The following TAFA2 variants were observed in gnomAD, a reference collection of about 807,000 sequenced individuals.
The protein encoded by TAFA2 is TAFA chemokine like family member 2.
In TAFA2, 7 loss-of-function variants were observed where a neutral mutation model predicts 18.8. The observed-to-expected ratio is 0.37, with a 90% CI of 0.21 to 0.70. TAFA2 has a LOEUF of 0.70. Among genes scored for constraint, TAFA2 ranks in the 30% least tolerant of loss-of-function variants. The probability of loss-of-function intolerance (pLI) is 0.53; values close to 1 mark genes in which losing one functional copy is unlikely to be tolerated. For missense variants in TAFA2, 122 were observed against 158.1 expected, an observed-to-expected ratio of 0.77 and a Z score of 1.23; for synonymous variants, 60 against 54.2, an observed-to-expected ratio of 1.11 and a Z score of -0.47.
chr12:62,007,198 C>T (rs1880582050), intron 1 of TAFA2, among the ~76,000 whole-genome samples: 1 of 152,158 alleles, frequency 6.6e-6, no homozygotes, highest in African/African-American at 2.4e-5. Flanking sequence ...CATTTTCTGA[C>T]CCCTATGATT....
At chr12:62,034,697 A>C (rs966494561) in intron 1 of TAFA2, among the ~76,000 whole-genome samples, 8 of 152,124 alleles carry the variant, frequency 5.3e-5, no homozygotes, top group African/African-American at 1.9e-4. Context: ...AATTTCTCAC[A>C]GATTTCTCCA....
At chr12:62,153,199 T>C (rs1406718343) in intron 1 of TAFA2, among the ~76,000 whole-genome samples, 1 of 152,178 alleles carries the variant, frequency 6.6e-6, no homozygotes, top group African/African-American at 2.4e-5. Flanking sequence ...AATGGATTTA[T>C]CTGCTACCCA....
intron 1 of TAFA2, among the ~76,000 whole-genome samples, chr12:61,904,429 T>C (rs1347484691): frequency 6.6e-6 from 1 of 152,176 alleles, no homozygotes; most frequent in African/African-American, 2.4e-5. Context: ...TACTTAAGCA[T>C]ATTACATGTT....
Position 61,816,691 on chromosome 12 carries a change from AT to A in TAFA2, c.106+50628del, listed in dbSNP as rs1565644101. 1.3e-5 allele frequency among the ~76,000 whole-genome samples: 2 copies of A among 151,266 alleles called. 1 individual carries two copies. Among genetic ancestry groups the A allele is most frequent in the African/African-American group, 4.9e-5 (2 of 40,580 alleles). On this transcript the variant is annotated intron_variant, in intron 2 of 4. Transcript: ENST00000416284. ...TTTAAGTAGAGCATTGGGATAAGTT[AT>A]TTTTCAGAAATTGACAAGATGTATT...
chr12:62,082,916 A>AT (rs949400758), intron 1 of TAFA2, among the ~76,000 whole-genome samples: 12 of 152,138 alleles, frequency 7.9e-5, no homozygotes, highest in Admixed American at 6.6e-4. Flanking sequence ...CTCTACAGTG[A>AT]TTTTTTTTCC....
chr12:61,918,676 AT>A (rs1484855628), intron 1 of TAFA2, among the ~76,000 whole-genome samples: 3 of 152,192 alleles, frequency 2.0e-5, no homozygotes, highest in Admixed American at 6.5e-5. Context: ...ATACCTAGGA[AT>A]GGGATTGCTG....
At chr12:61,712,465 T>A (rs1592337684) in intron 4 of TAFA2, among the ~76,000 whole-genome samples, 1 of 152,128 alleles carries the variant, frequency 6.6e-6, no homozygotes, top group East Asian at 1.9e-4. Context: ...TTTCTCCATT[T>A]CTGTAGAGAA....
chr12:62,094,694 C>T (rs1868869033), intron 1 of TAFA2, among the ~76,000 whole-genome samples: 1 of 151,892 alleles, frequency 6.6e-6, no homozygotes, highest in African/African-American at 2.4e-5. Context: ...TTCATTCATT[C>T]CATCTTTATA....
At chr12:61,779,463 G>T (rs1870411356) in intron 2 of TAFA2, among the ~76,000 whole-genome samples, 1 of 151,752 alleles carries the variant, frequency 6.6e-6, no homozygotes, top group Non-Finnish European at 1.5e-5. Context: ...GAAAAAATAG[G>T]TGTTAACTGG....
chr12:61,830,450 T>C (rs533384610), intron 2 of TAFA2, among the ~76,000 whole-genome samples: 67 of 151,762 alleles, frequency 4.4e-4, no homozygotes, highest in Non-Finnish European at 7.1e-4. Context: ...TTTGCAGCAA[T>C]AAGGATATAA....
intron 2 of TAFA2, among the ~76,000 whole-genome samples, chr12:61,841,390 A>G (rs2121125017): frequency 6.6e-6 from 1 of 152,216 alleles, no homozygotes; most frequent in Non-Finnish European, 1.5e-5. Flanking sequence ...ACCAGGTACC[A>G]TTTATTGAAG....
chr12:61,938,280 C>T (rs1246222672), intron 1 of TAFA2, among the ~76,000 whole-genome samples: 1 of 133,738 alleles, frequency 7.5e-6, no homozygotes, highest in Non-Finnish European at 1.6e-5. Context: ...CTGGTGGGAA[C>T]ATAAATTAGT....
At chr12:61,718,587 A>G (rs919926017) in intron 4 of TAFA2, among the ~76,000 whole-genome samples, 2 of 152,194 alleles carry the variant, frequency 1.3e-5, no homozygotes, top group South Asian at 2.1e-4. Context: ...AGTCAGGAAA[A>G]CAATTATTTT....
chr12:62,089,393 C>T (rs1232509439), intron 1 of TAFA2, among the ~76,000 whole-genome samples: 1 of 152,046 alleles, frequency 6.6e-6, no homozygotes, highest in African/African-American at 2.4e-5. Flanking sequence ...CATCTACATA[C>T]TATGATTTCG....
At chr12:61,889,297 T>C (rs1259069642) in intron 1 of TAFA2, among the ~76,000 whole-genome samples, 1 of 152,188 alleles carries the variant, frequency 6.6e-6, no homozygotes, top group Non-Finnish European at 1.5e-5. Flanking sequence ...GCAGTCAAGA[T>C]TCTAAAGGAA....
intron 2 of TAFA2, among the ~76,000 whole-genome samples, chr12:61,848,536 T>G (rs946541267): frequency 2.0e-5 from 3 of 152,178 alleles, no homozygotes; most frequent in Non-Finnish European, 2.9e-5. Context: ...CATAAGATAT[T>G]TTGTTTTTAC....
chr12:61,761,631 A>G (rs1869550788), intron 2 of TAFA2, among the ~76,000 whole-genome samples: 1 of 152,112 alleles, frequency 6.6e-6, no homozygotes, highest in African/African-American at 2.4e-5. Flanking sequence ...TGCAATAACC[A>G]CTGACAAGGA....
chr12:62,245,471 G>A, intron 1 of TAFA2, among the ~76,000 whole-genome samples: 1 of 151,576 alleles, frequency 6.6e-6, no homozygotes, highest in Admixed American at 6.6e-5. Flanking sequence ...TTGACATATT[G>A]TCAATAAATA....
chr12:61,891,485 A>G (rs756077398), intron 1 of TAFA2, among the ~76,000 whole-genome samples: 5 of 152,100 alleles, frequency 3.3e-5, no homozygotes, highest in African/African-American at 4.8e-5. Context: ...TGCCTCTACT[A>G]AAAATACAAA....
Sources: allele counts gnomAD v4.1 joint callset (sites outside exome capture counted in the v4.1 genomes callset), GRCh38; gene constraint gnomAD v4.1.1; transcripts MANE v1.5; gene names NCBI Gene and HGNC (gene_info 2026-07-23, HGNC 2026-07-21).